NTNG1: variants seen among roughly 807,000 people sequenced by gnomAD.
NTNG1 encodes netrin G1.
NTNG1 carries 16 observed loss-of-function variants against 54.0 expected under a neutral mutation model. The ratio of observed to expected loss-of-function variants is 0.30; its 90% confidence interval spans 0.20 to 0.45. NTNG1 has a LOEUF of 0.45. Among genes scored for constraint, NTNG1 ranks in the 20% least tolerant of loss-of-function variants. The probability of loss-of-function intolerance (pLI) is 1.00; values close to 1 mark genes in which losing one functional copy is unlikely to be tolerated. For missense variants in NTNG1, 530 were observed against 678.7 expected (o/e 0.78, Z 2.43); for synonymous variants, 255 against 263.1 (o/e 0.97, Z 0.30).
chr1:107,208,430 C>CA (rs5776882), intron 2 of NTNG1, among the ~76,000 whole-genome samples: 104,709 of 129,812 alleles, frequency 0.81, 44,740 homozygotes, highest in East Asian at 0.98. Flanking sequence ...AACATCATCT[C>CA]AAAAAAAAAA....
chr1:107,210,491 A>G lies in NTNG1; in HGVS notation c.246+61652A>G, dbSNP rs371887341. Among the ~76,000 whole-genome samples, 10 of 152,312 alleles carry G rather than the reference A, an allele frequency of 6.6e-5. No homozygotes were observed. In the South Asian group the frequency reaches 2.1e-3, roughly 32 times the overall value. On this transcript the variant is annotated intron_variant, in intron 2 of 7. Transcript: ENST00000370068. Reference sequence around the variant, plus strand: ...GTTCCACTGAGATGGGGGACATCAGAGGCAGAGAAGGTCTGGAGGGAAGTT... The same window carrying G: ...GTTCCACTGAGATGGGGGACATCAGGGGCAGAGAAGGTCTGGAGGGAAGTT...
At chr1:107,397,078 T>C (rs573909565) in intron 4 of NTNG1, among the ~76,000 whole-genome samples, 1 of 152,338 alleles carries the variant, frequency 6.6e-6, no homozygotes, top group South Asian at 2.1e-4. Flanking sequence ...CCCCGAATCC[T>C]TTGCATATTG....
chr1:107,276,261 A>T (rs1664465926), intron 2 of NTNG1, among the ~76,000 whole-genome samples: 1 of 152,082 alleles, frequency 6.6e-6, no homozygotes, highest in African/African-American at 2.4e-5. Flanking sequence ...GCAGACATTT[A>T]TTTACTAGAC....
intron 2 of NTNG1, among the ~76,000 whole-genome samples, chr1:107,156,023 A>G (rs1003505009): frequency 7.9e-5 from 12 of 152,208 alleles, no homozygotes; most frequent in African/African-American, 2.7e-4. Flanking sequence ...GTAGCAGGGT[A>G]TACCATCTAG....
At position 107,437,231 on chromosome 1, in the gene NTNG1, C is replaced by T. The variant is rs139180423; in HGVS notation, c.1390+432C>T. 7.3e-4 allele frequency among the ~76,000 whole-genome samples: 111 copies of T among 152,274 alleles called. 1 individual carries two copies. The highest frequency in any genetic ancestry group is 2.5e-3 in the African/African-American group (102 of 41,554). Reference sequence around the variant, plus strand: ...ACTTATTACTACCCTTGCTATCATACCCATCACTGAATCTTAACCAAAAAC... The same window carrying T: ...ACTTATTACTACCCTTGCTATCATATCCATCACTGAATCTTAACCAAAAAC... On this transcript the variant is annotated intron_variant, in intron 7 of 7. Coordinates refer to ENST00000370068, the MANE Select transcript of NTNG1 (RefSeq NM_001113226.3).
At chr1:107,407,769 G>T (rs372216552) in intron 5 of NTNG1, 61 bp downstream of exon 5, 1 of 1,346,016 alleles carries the variant, frequency 7.4e-7, no homozygotes, top group Non-Finnish European at 1.1e-6. Flanking sequence ...TTGCTTTGTT[G>T]TTCACCTCCT....
intron 2 of NTNG1, among the ~76,000 whole-genome samples, chr1:107,249,601 A>G (rs1021683204): frequency 5.9e-5 from 9 of 152,114 alleles, no homozygotes; most frequent in African/African-American, 1.9e-4. Flanking sequence ...TTGTGATGAG[A>G]CTACCCTAAA....
intron 7 of NTNG1, among the ~76,000 whole-genome samples, chr1:107,453,202 TA>T (rs1486380094): frequency 6.6e-6 from 1 of 152,184 alleles, no homozygotes; most frequent in Non-Finnish European, 1.5e-5. Context: ...ATTTTTTTTG[TA>T]AAGCAGCACA....
intron 5 of NTNG1, among the ~76,000 whole-genome samples, chr1:107,424,983 C>T (rs1041172402): frequency 3.1e-4 from 47 of 151,978 alleles, no homozygotes; most frequent in African/African-American, 8.9e-4. Context: ...GAGAAAAAAG[C>T]AATGATGGGT....
At chr1:107,223,520 C>T (rs1660487077) in intron 2 of NTNG1, among the ~76,000 whole-genome samples, 1 of 152,072 alleles carries the variant, frequency 6.6e-6, no homozygotes, top group African/African-American at 2.4e-5. Flanking sequence ...CACAGAAAAA[C>T]ATTAATGACA....
chr1:107,350,968 A>G (rs1403396906), intron 3 of NTNG1, among the ~76,000 whole-genome samples: 1 of 152,212 alleles, frequency 6.6e-6, no homozygotes, highest in Non-Finnish European at 1.5e-5. Context: ...AAAATTTGCT[A>G]AGAATATAGA....
At position 107,436,729 on chromosome 1, in the gene NTNG1, T is replaced by C; in HGVS notation, c.1320T>C (p.Cys440=). The C allele has an allele frequency of 1.1e-5, 18 of 1,613,434 alleles. No individual in the cohort carries two copies. The highest frequency in any genetic ancestry group is 1.4e-5 in the Non-Finnish European group (17 of 1,179,530). The change falls in exon 7 of 8, where the codon TGT becomes TGC. Residue 440 remains cysteine, a synonymous_variant. Transcript: ENST00000370068. ...GTAATGGCTCAGGATTTTGTGAGTG[T>C]AAGACTGGAACAACAGGGCCTAAGT... ...DRCNGSGFCE[C]KTGTTGPKCD...
intron 7 of NTNG1, among the ~76,000 whole-genome samples, chr1:107,476,364 C>T (rs1032467120): frequency 2.0e-5 from 3 of 152,056 alleles, no homozygotes; most frequent in African/African-American, 7.2e-5. Context: ...CAACAACGAC[C>T]ACCACCACCC....
At position 107,483,555 on chromosome 1, in the gene NTNG1, T is replaced by C. The variant is rs1678855279; in HGVS notation, c.*2715T>C. 2 of 152,208 alleles carry C rather than the reference T, an allele frequency of 1.3e-5. No homozygotes were observed. The highest frequency in any genetic ancestry group is 6.5e-5 in the Admixed American group (1 of 15,284). 9.4% of individuals were successfully genotyped at this position (152,208 alleles called of 1,614,324 possible). On this transcript the variant is annotated 3_prime_UTR_variant, in exon 8 of 8. Transcript: ENST00000370068. ...TGAGGAAACCTCAACTCAGTGGACT[T>C]GATTCATCTGTTACTTTCCAGCATT...
chr1:107,229,963 A>G (rs945995497), intron 2 of NTNG1, among the ~76,000 whole-genome samples: 1 of 152,020 alleles, frequency 6.6e-6, no homozygotes, highest in Non-Finnish European at 1.5e-5. Flanking sequence ...TGAAAACTGA[A>G]TTTATTTTTT....
chr1:107,263,326 T>G (rs1478361758), intron 2 of NTNG1, among the ~76,000 whole-genome samples: 1 of 151,484 alleles, frequency 6.6e-6, no homozygotes, highest in African/African-American at 2.4e-5. Context: ...CCTTCCTTCT[T>G]TCCTTCCTTC....
intron 3 of NTNG1, among the ~76,000 whole-genome samples, chr1:107,340,725 TA>T (rs1240711059): frequency 6.6e-6 from 1 of 152,084 alleles, no homozygotes; most frequent in Non-Finnish European, 1.5e-5. Flanking sequence ...AACTCTGGTT[TA>T]CATAGAGAGG....
chr1:107,476,369 C>G (rs905172113), intron 7 of NTNG1, among the ~76,000 whole-genome samples: 5 of 152,148 alleles, frequency 3.3e-5, no homozygotes, highest in Non-Finnish European at 5.9e-5. Context: ...ACGACCACCA[C>G]CACCCCAGCT....
chr1:107,162,166 A>C (rs186126284), intron 2 of NTNG1, among the ~76,000 whole-genome samples: 37 of 152,224 alleles, frequency 2.4e-4, no homozygotes, highest in Middle Eastern at 3.4e-3. Context: ...TCCTTGCACC[A>C]AACTCTTGGT....
Sources: allele counts gnomAD v4.1 joint callset (sites outside exome capture counted in the v4.1 genomes callset), GRCh38; gene constraint gnomAD v4.1.1; transcripts MANE v1.5; gene names NCBI Gene and HGNC (gene_info 2026-07-23, HGNC 2026-07-21).